The following CD247 variants were observed in gnomAD, a reference collection of about 807,000 sequenced individuals.
CD247 encodes T-cell surface glycoprotein CD3 zeta chain.
A neutral mutation model predicts 30.0 loss-of-function variants in CD247; 13 were observed. That is an observed-to-expected ratio of 0.43 (90% CI 0.28 to 0.69). CD247 has a LOEUF of 0.69. CD247 is among the 30% of genes least tolerant of loss of function. The pLI is 0.16. For synonymous variants in CD247, 72 were observed against 80.0 expected (o/e 0.90, Z 0.53); for missense variants, 193 against 212.6 (o/e 0.91, Z 0.57).
At chr1:167,478,587 A>G (rs1653849824) in intron 1 of CD247, among the ~76,000 whole-genome samples, 1 of 152,206 alleles carries the variant, frequency 6.6e-6, no homozygotes, top group African/African-American at 2.4e-5. Context: ...AGTAGTGTGG[A>G]CAGGAACGCA....
In CD247 at chr1:167,475,370, TATAAATA is replaced by T. The variant is rs770945192; in HGVS notation, c.59-34610_59-34604del. On this transcript the variant is annotated intron_variant, in intron 1 of 7. Transcript: ENST00000362089. Reference sequence around the variant, plus strand: ...ATCACAGGCATCATGTCATTTTATCTATAAATAATAAATCATTATAAATAAAGGGAAG... The same window carrying T: ...ATCACAGGCATCATGTCATTTTATCTATAAATCATTATAAATAAAGGGAAG... Among the ~76,000 whole-genome samples, 81 of 152,318 alleles carry T rather than the reference TATAAATA, an allele frequency of 5.3e-4. 1 individual carries two copies. Among genetic ancestry groups the T allele is most frequent in the Admixed American group, 2.6e-4 (4 of 15,300 alleles).
chr1:167,511,790 G>A (rs112794240), intron 1 of CD247, among the ~76,000 whole-genome samples: 10 of 152,176 alleles, frequency 6.6e-5, no homozygotes, highest in African/African-American at 2.2e-4. Context: ...AGGGCCCCGA[G>A]AAACCATGTT....
chr1:167,459,767 A>AT (rs1427100649), intron 1 of CD247: 2 of 152,216 alleles, frequency 1.3e-5, no homozygotes, highest in African/African-American at 4.8e-5. Context: ...AAATGTGGCT[A>AT]AAGTTCTGTT....
chr1:167,509,530 C>A (rs970036202), intron 1 of CD247, among the ~76,000 whole-genome samples: 6 of 151,994 alleles, frequency 3.9e-5, no homozygotes, highest in Non-Finnish European at 8.8e-5. Context: ...CCTATTTTAG[C>A]CAAAATACAT....
At chr1:167,459,446 G>A (rs921961496) in intron 1 of CD247, among the ~76,000 whole-genome samples, 4 of 140,692 alleles carry the variant, frequency 2.8e-5, no homozygotes, top group South Asian at 4.8e-4. Flanking sequence ...TCCACCTCCC[G>A]GGTTCAAGCG....
At chr1:167,510,443 C>G (rs1228595950) in intron 1 of CD247, among the ~76,000 whole-genome samples, 2 of 152,240 alleles carry the variant, frequency 1.3e-5, no homozygotes, top group Admixed American at 6.5e-5. Flanking sequence ...TGACCTGCAA[C>G]CCCTGGGGCT....
At chr1:167,455,151 G>A (rs183545795) in intron 1 of CD247, among the ~76,000 whole-genome samples, 29 of 152,360 alleles carry the variant, frequency 1.9e-4, no homozygotes, top group African/African-American at 6.3e-4. Flanking sequence ...CGGAGGCTGG[G>A]AGAGGAAATG....
At chr1:167,487,910 A>AT (rs920711453) in intron 1 of CD247, among the ~76,000 whole-genome samples, 5 of 152,054 alleles carry the variant, frequency 3.3e-5, no homozygotes, top group Middle Eastern at 3.4e-3. Context: ...TATTTTTAGA[A>AT]TTTTTTTTGT....
intron 1 of CD247, among the ~76,000 whole-genome samples, chr1:167,442,536 C>T (rs367610370): frequency 3.9e-5 from 6 of 152,316 alleles, no homozygotes; most frequent in East Asian, 1.9e-4. Flanking sequence ...CACCCACACT[C>T]GGACACTGAG....
intron 1 of CD247, 102 bp downstream of exon 1, chr1:167,518,306 G>T: frequency 9.2e-7 from 1 of 1,085,194 alleles, no homozygotes; most frequent in East Asian, 2.4e-5. Flanking sequence ...AGGATTTGAA[G>T]GAGACCCCAG....
chr1:167,469,945 C>T (rs1653431962), intron 1 of CD247, among the ~76,000 whole-genome samples: 2 of 152,124 alleles, frequency 1.3e-5, no homozygotes, highest in South Asian at 2.1e-4. Context: ...TGGAGTCTCA[C>T]TCTCGTCACC....
chr1:167,432,958 G>T (rs1651345583), intron 7 of CD247, 66 bp downstream of exon 7: 1 of 1,565,662 alleles, frequency 6.4e-7, no homozygotes, highest in African/African-American at 1.4e-5. Context: ...GCAAAATGTG[G>T]GGGCCTTGAT....
chr1:167,512,603 C>T (rs1655434697), intron 1 of CD247, among the ~76,000 whole-genome samples: 1 of 152,216 alleles, frequency 6.6e-6, no homozygotes, highest in South Asian at 2.1e-4. Context: ...AAAAGCATGT[C>T]AGTCCAGTGT....
chr1:167,472,796 C>T (rs1571559325), intron 1 of CD247, among the ~76,000 whole-genome samples: 1 of 152,114 alleles, frequency 6.6e-6, no homozygotes, highest in East Asian at 1.9e-4. Context: ...GTCTGACCCT[C>T]TTGTGTCTGA....
chr1:167,479,896 C>T lies in CD247; in HGVS notation c.58+38512G>A, dbSNP rs577494309. On this transcript the variant is annotated intron_variant, in intron 1 of 7. Transcript: ENST00000362089. The stretch of plus-strand genomic sequence containing the variant: ...CAACTGCATTCTTTACTGCTTCGTG[C>T]CTCTCCCCTTTGGCATGAGCTTCGT... Among the ~76,000 whole-genome samples, 6 of 152,322 alleles carry T rather than the reference C, an allele frequency of 3.9e-5. No individual in the cohort carries two copies. The South Asian group carries it at 1.2e-3, about 32-fold the overall frequency.
Position 167,430,758 on chromosome 1 carries a change from G to A in CD247, c.*923C>T, listed in dbSNP as rs549878186. ...GTTTTCCATCCATGGCCTGTGCCCTGTAATGACGCAGCAGTATCCTAGTAC... is the reference window on the plus strand; with the variant it reads ...GTTTTCCATCCATGGCCTGTGCCCTATAATGACGCAGCAGTATCCTAGTAC... On this transcript the variant is annotated 3_prime_UTR_variant, in exon 8 of 8. Coordinates refer to ENST00000362089, the MANE Select transcript of CD247 (RefSeq NM_198053.3). 2.5e-6 allele frequency: 1 copy of A among 398,710 alleles called. No individual in the cohort carries two copies. 24.7% of individuals were successfully genotyped at this position (398,710 alleles called of 1,614,324 possible).
In CD247 at chr1:167,502,055, G is replaced by A. The variant is rs1011913612; in HGVS notation, c.58+16353C>T. 5.3e-5 allele frequency among the ~76,000 whole-genome samples: 8 copies of A among 152,346 alleles called. No individual in the cohort carries two copies. In the South Asian group the frequency reaches 1.2e-3, roughly 24 times the overall value. On this transcript the variant is annotated intron_variant, in intron 1 of 7. Coordinates refer to ENST00000362089, the MANE Select transcript of CD247 (RefSeq NM_198053.3). ...ATTTATTCCATCTTCCGGAGATAAGGAGGGGACAGGGCTGGCTCAGCAACC... is the reference window on the plus strand; with the variant it reads ...ATTTATTCCATCTTCCGGAGATAAGAAGGGGACAGGGCTGGCTCAGCAACC...
chr1:167,440,838 G>C, intron 1 of CD247, 71 bp from the exon 2 acceptor site: 1 of 932,174 alleles, frequency 1.1e-6, no homozygotes, highest in Non-Finnish European at 1.7e-6. Context: ...CCCCAGGGTG[G>C]CACTAGGACT....
chr1:167,480,168 C>A (rs57277339), intron 1 of CD247, among the ~76,000 whole-genome samples: 2,427 of 152,282 alleles, frequency 0.016, 68 homozygotes, highest in African/African-American at 0.055. Context: ...GGCAGCCCCA[C>A]AGTTAAGACA....
Sources: allele counts gnomAD v4.1 joint callset (sites outside exome capture counted in the v4.1 genomes callset), GRCh38; gene constraint gnomAD v4.1.1; transcripts MANE v1.5; gene names NCBI Gene and HGNC (gene_info 2026-07-23, HGNC 2026-07-21).